AFF2: variants seen among roughly 807,000 people sequenced by gnomAD.
The protein encoded by AFF2 is ALF transcription elongation factor 2, also known as AF4/FMR2 family member 2.
A neutral mutation model predicts 76.9 loss-of-function variants in AFF2; 14 were observed. The observed-to-expected ratio is 0.18, with a 90% CI of 0.12 to 0.28. The LOEUF (loss-of-function observed/expected upper bound fraction) is 0.28. Ranked by LOEUF, AFF2 falls within the 10% of genes least tolerant of loss-of-function variation. The pLI, the probability that AFF2 is intolerant of heterozygous loss-of-function variation, is 1.00. For synonymous variants in AFF2, 398 were observed against 366.7 expected (o/e 1.09, Z -0.98); for missense variants, 868 against 1,001.1 (o/e 0.87, Z 1.79).
At chrX:148,879,777 G>A (rs868918119) in intron 7 of AFF2, among the ~76,000 whole-genome samples, 16 of 102,916 alleles carry the variant, frequency 1.6e-4, no homozygotes, top group East Asian at 3.1e-4. Flanking sequence ...ATTTAAAAAT[G>A]AAAAAAAAAA....
In AFF2 at chrX:148,581,600, A is replaced by ATACGTC. The variant is rs1416963324; in HGVS notation, c.48-70394_48-70393insCTACGT. ...TATACGTGTACACACATATATACGT[A>ATACGTC]TACGTGTACACACATATATACGTAT... On this transcript the variant is annotated intron_variant, in intron 1 of 20. Coordinates refer to ENST00000370460, the MANE Select transcript of AFF2 (RefSeq NM_002025.4). 3.7e-4 allele frequency among the ~76,000 whole-genome samples: 35 copies of ATACGTC among 95,152 alleles called. 2 individuals carry two copies. Among genetic ancestry groups the ATACGTC allele is most frequent in the African/African-American group, 1.3e-3 (33 of 24,508 alleles). 82.6% of individuals were successfully genotyped at this position (95,152 alleles called of 115,157 possible). A position where few individuals can be genotyped will look rare whatever the true frequency, so the allele number is the denominator to read the frequency against.
chrX:148,506,932 G>A (rs1322747931), intron 1 of AFF2, among the ~76,000 whole-genome samples: 4 of 111,944 alleles, frequency 3.6e-5, no homozygotes, highest in Non-Finnish European at 5.6e-5. Flanking sequence ...TGTGTTTGTT[G>A]CTCTTTTCGC....
chrX:148,947,507 T>C (rs1328425277), intron 9 of AFF2, among the ~76,000 whole-genome samples: 11 of 112,002 alleles, frequency 9.8e-5, no homozygotes, highest in African/African-American at 3.6e-4. Context: ...TCTATTGCTT[T>C]CTATTTCTGC....
intron 3 of AFF2, among the ~76,000 whole-genome samples, chrX:148,723,414 CAT>C (rs1487752231): frequency 9.0e-6 from 1 of 111,598 alleles, no homozygotes; most frequent in African/African-American, 3.3e-5. Flanking sequence ...TGGCAGGGAT[CAT>C]GTGAAGCATT....
intron 3 of AFF2, among the ~76,000 whole-genome samples, chrX:148,795,833 ATATATATATATATATATATATATAT>A (rs1356547669): frequency 5.9e-4 from 4 of 6,788 alleles, no homozygotes; most frequent in Non-Finnish European, 8.0e-4. Context: ...AAAAAAAAAA[ATATATATATATATATATATATATAT>A]ATATATATAT....
intron 3 of AFF2, among the ~76,000 whole-genome samples, chrX:148,742,293 T>C (rs781873865): frequency 5.4e-4 from 61 of 112,407 alleles, no homozygotes; most frequent in Non-Finnish European, 9.6e-4. Flanking sequence ...TAGCAATGTT[T>C]ACTGAACATA....
At chrX:148,727,158 C>T (rs1305260196) in intron 3 of AFF2, among the ~76,000 whole-genome samples, 1 of 111,623 alleles carries the variant, frequency 9.0e-6, no homozygotes, top group Non-Finnish European at 1.9e-5. Flanking sequence ...CTGGAATAAC[C>T]TAACTGCTAA....
At chrX:148,969,496 A>G (rs781971991) in intron 15 of AFF2, among the ~76,000 whole-genome samples, 4 of 112,192 alleles carry the variant, frequency 3.6e-5, no homozygotes, top group Non-Finnish European at 7.5e-5. Context: ...TAAAATGGCC[A>G]TTTGCATATA....
intron 4 of AFF2, among the ~76,000 whole-genome samples, chrX:148,826,476 A>G (rs2070390011): frequency 9.0e-6 from 1 of 111,673 alleles, no homozygotes; most frequent in African/African-American, 3.3e-5. Flanking sequence ...ATATGAATCA[A>G]TAGCTACTTG....
chrX:148,841,366 T>G (rs189822714), intron 5 of AFF2, among the ~76,000 whole-genome samples: 27 of 112,110 alleles, frequency 2.4e-4, no homozygotes, highest in African/African-American at 8.1e-4. Context: ...TTAAAATTAT[T>G]GGATAACTGA....
intron 1 of AFF2, among the ~76,000 whole-genome samples, chrX:148,642,715 G>A (rs782297089): frequency 8.9e-6 from 1 of 112,060 alleles, no homozygotes; most frequent in African/African-American, 3.2e-5. Context: ...ACTGAGCAGG[G>A]TACTATGCCT....
chrX:148,555,693 C>T (rs1403640846), intron 1 of AFF2, among the ~76,000 whole-genome samples: 2 of 112,165 alleles, frequency 1.8e-5, no homozygotes, highest in Middle Eastern at 4.7e-3. Flanking sequence ...CAGCCAATGA[C>T]TATAGGTTTC....
intron 8 of AFF2, among the ~76,000 whole-genome samples, chrX:148,901,514 CT>C (rs1355916448): frequency 1.8e-5 from 2 of 112,048 alleles, no homozygotes; most frequent in East Asian, 5.6e-4. Flanking sequence ...CAATATGTAA[CT>C]GTCTTGATGT....
chrX:148,769,495 T>C (rs1569555219), intron 3 of AFF2, among the ~76,000 whole-genome samples: 1 of 111,830 alleles, frequency 8.9e-6, no homozygotes, highest in Non-Finnish European at 1.9e-5. Context: ...ACTTTTACAA[T>C]ACACTGTTCT....
At chrX:148,673,024 G>A (rs1557259216) in intron 3 of AFF2, among the ~76,000 whole-genome samples, 1 of 111,624 alleles carries the variant, frequency 9.0e-6, no homozygotes, top group African/African-American at 3.3e-5. Context: ...AAACTGTCTA[G>A]GATCATCAAA....
chrX:148,611,348 A>G (rs578201259), intron 1 of AFF2, among the ~76,000 whole-genome samples: 2 of 112,462 alleles, frequency 1.8e-5, no homozygotes, highest in Admixed American at 1.9e-4. Context: ...TGGTTACAGT[A>G]ATGTTTGTGA....
chrX:148,708,441 A>G (rs1046050651), intron 3 of AFF2, among the ~76,000 whole-genome samples: 1 of 112,005 alleles, frequency 8.9e-6, no homozygotes, highest in South Asian at 3.7e-4. Context: ...AGTTGGAGCT[A>G]TATAAGCAAC....
At chrX:148,675,375 G>A (rs1424064844) in intron 3 of AFF2, among the ~76,000 whole-genome samples, 1 of 111,390 alleles carries the variant, frequency 9.0e-6, no homozygotes, top group African/African-American at 3.3e-5. Context: ...TCCTATGAAT[G>A]GGATCATGTC....
At chrX:148,914,020 G>A (rs1301260346) in intron 9 of AFF2, among the ~76,000 whole-genome samples, 3 of 111,904 alleles carry the variant, frequency 2.7e-5, no homozygotes, top group African/African-American at 9.8e-5. Flanking sequence ...TCTACTGTGA[G>A]AGTCCCCACA....
Sources: allele counts gnomAD v4.1 joint callset (sites outside exome capture counted in the v4.1 genomes callset), GRCh38; gene constraint gnomAD v4.1.1; transcripts MANE v1.5; gene names NCBI Gene and HGNC (gene_info 2026-07-23, HGNC 2026-07-21).